Variants in GPR39 observed in about 807,000 individuals in gnomAD.
GPR39 encodes the protein zinc sensing receptor.
GPR39 carries 23 observed loss-of-function variants against 18.4 expected under a neutral mutation model. That is an observed-to-expected ratio of 1.25 (90% CI 0.90 to 1.77). The LOEUF (loss-of-function observed/expected upper bound fraction) is 1.77. GPR39 is among the 40% of genes most tolerant of loss of function. The probability of loss-of-function intolerance (pLI) is 0.00; values close to 1 mark genes in which losing one functional copy is unlikely to be tolerated. For synonymous variants in GPR39, 280 were observed against 257.9 expected, an observed-to-expected ratio of 1.09 and a Z score of -0.82; for missense variants, 647 against 602.4, an observed-to-expected ratio of 1.07 and a Z score of -0.78.
intron 1 of GPR39, among the ~76,000 whole-genome samples, chr2:132,512,063 G>T (rs1033128312): frequency 4.6e-5 from 7 of 152,118 alleles, no homozygotes; most frequent in African/African-American, 1.7e-4. Flanking sequence ...TTCACCTGGG[G>T]GCTCCCTTTT....
chr2:132,590,933 C>T (rs940774250), intron 1 of GPR39, among the ~76,000 whole-genome samples: 23 of 151,928 alleles, frequency 1.5e-4, no homozygotes, highest in Admixed American at 5.9e-4. Context: ...ACCATCTAAT[C>T]AGCTGCCAGC....
chr2:132,460,522 G>A (rs1032318616), intron 1 of GPR39, among the ~76,000 whole-genome samples: 3 of 152,096 alleles, frequency 2.0e-5, no homozygotes, highest in African/African-American at 7.2e-5. Context: ...ATGATAAAGG[G>A]GTGGAAAAGA....
At chr2:132,600,253 G>A (rs1416558686) in intron 1 of GPR39, among the ~76,000 whole-genome samples, 1 of 152,132 alleles carries the variant, frequency 6.6e-6, no homozygotes, top group Non-Finnish European at 1.5e-5. Context: ...CAAAAACAGT[G>A]GTAAGAGGGA....
chr2:132,590,241 A>C (rs1680803465), intron 1 of GPR39, among the ~76,000 whole-genome samples: 1 of 152,196 alleles, frequency 6.6e-6, no homozygotes, highest in Admixed American at 6.5e-5. Context: ...TCTGGCTAGC[A>C]AGTTTGTTTC....
chr2:132,525,466 C>T (rs760223880), intron 1 of GPR39, among the ~76,000 whole-genome samples: 3 of 152,300 alleles, frequency 2.0e-5, no homozygotes, highest in South Asian at 2.1e-4. Context: ...TCATCATTTG[C>T]GGTGATGCAT....
At chr2:132,633,295 C>T (rs563509300) in intron 1 of GPR39, among the ~76,000 whole-genome samples, 1 of 151,050 alleles carries the variant, frequency 6.6e-6, no homozygotes, top group Non-Finnish European at 1.5e-5. Context: ...TTATTATATC[C>T]TCTACTTTTT....
intron 1 of GPR39, among the ~76,000 whole-genome samples, chr2:132,620,354 G>A (rs547964608): frequency 9.2e-5 from 14 of 152,238 alleles, no homozygotes; most frequent in African/African-American, 2.4e-4. Flanking sequence ...CCAGGATCTC[G>A]CAATATCTTC....
At chr2:132,556,893 A>T (rs1199732393) in intron 1 of GPR39, among the ~76,000 whole-genome samples, 1 of 152,162 alleles carries the variant, frequency 6.6e-6, no homozygotes, top group Non-Finnish European at 1.5e-5. Flanking sequence ...CTTTACTGAA[A>T]TCCATTCTTT....
intron 1 of GPR39, among the ~76,000 whole-genome samples, chr2:132,557,843 G>C (rs72983652): frequency 2.0e-5 from 3 of 152,092 alleles, no homozygotes; most frequent in Non-Finnish European, 2.9e-5. Flanking sequence ...CGCGTTTCTC[G>C]TGACCTCCCC....
chr2:132,543,360 C>T (rs1378572287), intron 1 of GPR39, among the ~76,000 whole-genome samples: 1 of 152,112 alleles, frequency 6.6e-6, no homozygotes, highest in African/African-American at 2.4e-5. Context: ...TGGAATTTTC[C>T]ACTGTGGGCA....
chr2:132,549,946 G>A (rs774357282), intron 1 of GPR39, among the ~76,000 whole-genome samples: 7 of 152,114 alleles, frequency 4.6e-5, no homozygotes, highest in South Asian at 2.1e-4. Context: ...TAAATAATCC[G>A]TTTTCCATTT....
chr2:132,595,399 G>T (rs1432110678), intron 1 of GPR39, among the ~76,000 whole-genome samples: 1 of 152,138 alleles, frequency 6.6e-6, no homozygotes, highest in African/African-American at 2.4e-5. Context: ...AGGTTACCAT[G>T]GGCCTAATTT....
intron 1 of GPR39, among the ~76,000 whole-genome samples, chr2:132,626,923 C>A (rs1681554083): frequency 6.6e-6 from 1 of 152,186 alleles, no homozygotes; most frequent in African/African-American, 2.4e-5. Flanking sequence ...GATCCAGGCT[C>A]AAACAATATT....
rs1425223878 is a variant in GPR39 at position 132,471,681 on chromosome 2, C to T, written c.856+53783C>T. On this transcript the variant is annotated intron_variant, in intron 1 of 1. Transcript: ENST00000329321. ...TTTTTTTTTTTTTTCTTCCCCATAA[C>T]TCGTTGCCTTAACTTCACTTTCAAT... Among the ~76,000 whole-genome samples the T allele has an allele frequency of 2.7e-5, 4 of 146,932 alleles. No individual in the cohort carries two copies. In the East Asian group the frequency reaches 8.2e-4, roughly 30 times the overall value.
At chr2:132,469,033 A>G (rs1558807316) in intron 1 of GPR39, among the ~76,000 whole-genome samples, 1 of 152,204 alleles carries the variant, frequency 6.6e-6, no homozygotes, top group Non-Finnish European at 1.5e-5. Context: ...CAAGGGCAGG[A>G]GTCAGCCTTG....
Position 132,417,363 on chromosome 2 carries a change from C to T in GPR39, c.321C>T (p.Ser107=), listed in dbSNP as rs149019954. The stretch of plus-strand genomic sequence containing the variant: ...TGACCACGTCCAGCTACACCCTGTC[C>T]TGCAAGCTGCACACTTTCCTCTTCG... ...NPLTTSSYTL[S]CKLHTFLFEA... Residue 107 remains serine, a synonymous_variant, in exon 1 of 2, where the codon TCC becomes TCT. Coordinates refer to ENST00000329321, the MANE Select transcript of GPR39 (RefSeq NM_001508.3). The T allele has an allele frequency of 3.6e-4, 580 of 1,614,230 alleles. No homozygotes were observed. Among genetic ancestry groups the T allele is most frequent in the Non-Finnish European group, 4.5e-4 (527 of 1,180,040 alleles).
intron 1 of GPR39, among the ~76,000 whole-genome samples, chr2:132,456,661 T>C (rs1178111244): frequency 6.6e-6 from 1 of 152,256 alleles, no homozygotes; most frequent in Non-Finnish European, 1.5e-5. Flanking sequence ...GGAGCTCTTG[T>C]AAGTCAGGCC....
At chr2:132,603,511 A>G (rs944338394) in intron 1 of GPR39, among the ~76,000 whole-genome samples, 1 of 152,188 alleles carries the variant, frequency 6.6e-6, no homozygotes, top group Non-Finnish European at 1.5e-5. Flanking sequence ...ACAAGCTGGA[A>G]GAGTGGATTT....
chr2:132,457,638 G>A (rs992094697), intron 1 of GPR39, among the ~76,000 whole-genome samples: 3 of 152,328 alleles, frequency 2.0e-5, no homozygotes, highest in Admixed American at 1.3e-4. Context: ...CTCAAACGTC[G>A]TGCTGGGAGA....
Sources: allele counts gnomAD v4.1 joint callset (sites outside exome capture counted in the v4.1 genomes callset), GRCh38; gene constraint gnomAD v4.1.1; transcripts MANE v1.5; gene names NCBI Gene and HGNC (gene_info 2026-07-23, HGNC 2026-07-21).